The following BAIAP2L1 variants were observed in gnomAD, a reference collection of about 807,000 sequenced individuals.
The protein encoded by BAIAP2L1 is BAR/IMD domain containing adaptor protein 2 like 1, also known as BAR/IMD domain-containing adapter protein 2-like 1.
A neutral mutation model predicts 66.3 loss-of-function variants in BAIAP2L1; 35 were observed. The ratio of observed to expected loss-of-function variants is 0.53; its 90% CI spans 0.40 to 0.70. The LOEUF (loss-of-function observed/expected upper bound fraction) is 0.70, where lower values mean the gene tolerates loss of function less well. Ranked by LOEUF, BAIAP2L1 falls within the 30% of genes least tolerant of loss-of-function variation. The pLI is 0.00. For missense variants in BAIAP2L1, 622 were observed against 656.9 expected, an observed-to-expected ratio of 0.95 and a Z score of 0.58; for synonymous variants, 269 against 248.7, an observed-to-expected ratio of 1.08 and a Z score of -0.77.
intron 3 of BAIAP2L1, among the ~76,000 whole-genome samples, chr7:98,334,418 T>C (rs1053607671): frequency 6.6e-6 from 1 of 152,186 alleles, no homozygotes; most frequent in African/African-American, 2.4e-5. Flanking sequence ...TCTAAAATAT[T>C]AGTCAGTTTT....
intron 12 of BAIAP2L1, among the ~76,000 whole-genome samples, chr7:98,297,403 G>A (rs1021881192): frequency 3.9e-5 from 6 of 152,104 alleles, no homozygotes; most frequent in Non-Finnish European, 5.9e-5. Flanking sequence ...TTTTTCCCTT[G>A]GGCTGCAGCA....
In BAIAP2L1 at chr7:98,359,745, G is replaced by GTTTT. The variant is rs780836343; in HGVS notation, c.127+2608_127+2611dup. On this transcript the variant is annotated intron_variant, in intron 2 of 13. Transcript: ENST00000005260. ...CCTAGCCATTCACCTGTAGACCTGGGTTTTTTTTTTTTTTTTTTTTTTTAA... is the reference window on the plus strand; with the variant it reads ...CCTAGCCATTCACCTGTAGACCTGGGTTTTTTTTTTTTTTTTTTTTTTTTTTTAA... 3.7e-3 allele frequency among the ~76,000 whole-genome samples: 407 copies of GTTTT among 108,986 alleles called. 1 individual carries two copies. The highest frequency in any genetic ancestry group is 5.9e-3 in the Non-Finnish European group (330 of 55,768). The allele number at this position is 108,986 out of a possible 152,430, so 71.5% of individuals were successfully genotyped here.
At chr7:98,359,610 T>C (rs936593842) in intron 2 of BAIAP2L1, among the ~76,000 whole-genome samples, 4 of 152,046 alleles carry the variant, frequency 2.6e-5, no homozygotes, top group Non-Finnish European at 5.9e-5. Flanking sequence ...GTCTGCCTGC[T>C]GAAACCTAAC....
At chr7:98,378,243 T>G (rs1453062689) in intron 1 of BAIAP2L1, among the ~76,000 whole-genome samples, 5 of 152,048 alleles carry the variant, frequency 3.3e-5, no homozygotes, top group Non-Finnish European at 5.9e-5. Flanking sequence ...TGGAAATAGC[T>G]AAGCATGGGG....
intron 2 of BAIAP2L1, among the ~76,000 whole-genome samples, chr7:98,356,453 G>A (rs905530684): frequency 2.6e-5 from 4 of 152,078 alleles, no homozygotes; most frequent in Non-Finnish European, 5.9e-5. Context: ...CAGCTGCAAT[G>A]CCGCAATGTA....
chr7:98,312,349 A>G, intron 7 of BAIAP2L1, 85 bp from the exon 8 acceptor site: 5 of 1,417,728 alleles, frequency 3.5e-6, no homozygotes, highest in Non-Finnish European at 4.7e-6. Flanking sequence ...ATCGCTGATA[A>G]CAGATTACTG....
chr7:98,319,939 C>T (rs571655739), intron 5 of BAIAP2L1, 119 bp downstream of exon 5: 47 of 817,708 alleles, frequency 5.7e-5, no homozygotes, highest in Non-Finnish European at 8.7e-5. Context: ...ATCTGGGCAT[C>T]ATCAACACGG....
At chr7:98,365,720 T>C (rs907392640) in intron 1 of BAIAP2L1, among the ~76,000 whole-genome samples, 24 of 152,186 alleles carry the variant, frequency 1.6e-4, no homozygotes, top group African/African-American at 5.3e-4. Flanking sequence ...GCTCAAGCAA[T>C]CTGCCCGCCC....
In BAIAP2L1 at chr7:98,358,333, T is replaced by C. The variant is rs531244240; in HGVS notation, c.128-3205A>G. ...AAGATATTTTCTACTACTTATTGTT[T>C]TAAGGAAAGAAGCATATTAGTTTTT... On this transcript the variant is annotated intron_variant, in intron 2 of 13. Transcript: ENST00000005260. 4.6e-5 allele frequency among the ~76,000 whole-genome samples: 7 copies of C among 152,204 alleles called. No individual in the cohort carries two copies. The East Asian group carries it at 1.2e-3, about 25-fold the overall frequency.
chr7:98,365,285 T>C (rs1164412079), intron 1 of BAIAP2L1, among the ~76,000 whole-genome samples: 1 of 152,220 alleles, frequency 6.6e-6, no homozygotes, highest in South Asian at 2.1e-4. Flanking sequence ...CTTCATTCTT[T>C]CTGGAACTCT....
chr7:98,340,259 C>A (rs868704498), intron 3 of BAIAP2L1, among the ~76,000 whole-genome samples: 69 of 152,262 alleles, frequency 4.5e-4, no homozygotes, highest in African/African-American at 1.5e-3. Context: ...TAATCTGATT[C>A]AATGATTCAG....
Position 98,372,733 on chromosome 7 carries a change from GTTTT to G in BAIAP2L1, c.52-10305_52-10302del, listed in dbSNP as rs34330041. ...TGAGGATATGTCAAGATCGATTTTG[GTTTT>G]TTTTTTTTTTTTTTTTTTTGAGACA... On this transcript the variant is annotated intron_variant, in intron 1 of 13. Transcript: ENST00000005260. 7.0e-3 allele frequency among the ~76,000 whole-genome samples: 655 copies of G among 93,830 alleles called. 3 individuals carry two copies. The highest frequency in any genetic ancestry group is 0.024 in the African/African-American group (561 of 23,510). The allele number at this position is 93,830 out of a possible 152,430, so 61.6% of individuals were successfully genotyped here.
At chr7:98,319,977 G>A (rs546543943) in intron 5 of BAIAP2L1, 81 bp downstream of exon 5, 28 of 1,134,340 alleles carry the variant, frequency 2.5e-5, no homozygotes, top group Non-Finnish European at 3.5e-5. Flanking sequence ...CTGCTGATGA[G>A]TCAACAGTGG....
chr7:98,347,302 T>C (rs1056022710), intron 3 of BAIAP2L1, among the ~76,000 whole-genome samples: 17 of 152,190 alleles, frequency 1.1e-4, no homozygotes, highest in African/African-American at 3.6e-4. Context: ...AATTTCCCTA[T>C]ACATTTATAA....
At chr7:98,326,841 G>C (rs1328184279) in intron 3 of BAIAP2L1, among the ~76,000 whole-genome samples, 7 of 151,356 alleles carry the variant, frequency 4.6e-5, no homozygotes, top group African/African-American at 1.7e-4. Context: ...GTCTGAAAGT[G>C]TTTTCCCCAC....
At chr7:98,294,851 C>A (rs569220028) in intron 12 of BAIAP2L1, among the ~76,000 whole-genome samples, 1 of 152,176 alleles carries the variant, frequency 6.6e-6, no homozygotes, top group Non-Finnish European at 1.5e-5. Flanking sequence ...CTACAGGGCT[C>A]GGGTGGGGAG....
At chr7:98,315,900 T>G (rs1381816145) in intron 6 of BAIAP2L1, among the ~76,000 whole-genome samples, 2 of 152,198 alleles carry the variant, frequency 1.3e-5, no homozygotes, top group Non-Finnish European at 2.9e-5. Flanking sequence ...CGTGTCCTAC[T>G]GGAAAGCACC....
At chr7:98,294,725 C>T (rs546928037) in intron 12 of BAIAP2L1, among the ~76,000 whole-genome samples, 14 of 152,234 alleles carry the variant, frequency 9.2e-5, no homozygotes, top group African/African-American at 3.1e-4. Context: ...TGAAGCATGA[C>T]AAAGAAACAG....
rs1801044446 is a variant in BAIAP2L1 at position 98,315,596 on chromosome 7, G to GT, written c.502dup (p.Thr168AsnfsTer6). On this transcript the variant is annotated frameshift_variant, in exon 7 of 14. Coordinates refer to ENST00000005260, the MANE Select transcript of BAIAP2L1 (RefSeq NM_018842.5). LOFTEE classifies it high-confidence loss of function. ...TTTCTGGATTTCACTCTGACGAGAA[G>GT]TAACGGTCTCCACATACTAAAAAAA... The GT allele has an allele frequency of 6.9e-7, 1 of 1,439,496 alleles. No individual in the cohort carries two copies. The highest frequency in any genetic ancestry group is 1.5e-5 in the African/African-American group (1 of 68,220). The allele number at this position is 1,439,496 out of a possible 1,614,324, so 89.2% of individuals were successfully genotyped here.
Sources: allele counts gnomAD v4.1 joint callset (sites outside exome capture counted in the v4.1 genomes callset), GRCh38; gene constraint gnomAD v4.1.1; transcripts MANE v1.5; gene names NCBI Gene and HGNC (gene_info 2026-07-23, HGNC 2026-07-21).